TSHR: variants seen among roughly 807,000 people sequenced by gnomAD.
TSHR encodes thyroid stimulating hormone receptor, also known as thyrotropin receptor.
In TSHR, 51 loss-of-function variants were observed where a neutral mutation model predicts 64.1. The observed-to-expected ratio is 0.80, with a 90% CI of 0.64 to 1.01. The LOEUF (loss-of-function observed/expected upper bound fraction) is 1.01. TSHR is among the 50% of genes least tolerant of loss of function. The probability of loss-of-function intolerance (pLI) is 0.00; values close to 1 mark genes in which losing one functional copy is unlikely to be tolerated. For missense variants in TSHR, 877 were observed against 942.8 expected (o/e 0.93, Z 0.91); for synonymous variants, 361 against 361.9 (o/e 1.00, Z 0.03).
At chr14:81,090,977 A>T in intron 4 of TSHR, 92 bp from the exon 5 acceptor site, 3 of 1,118,384 alleles carry the variant, frequency 2.7e-6, no homozygotes, top group Non-Finnish European at 2.7e-6. Context: ...TTCAGAACCC[A>T]TGCTTTCAGC....
chr14:81,138,592 T>G (rs1037594771), intron 8 of TSHR, among the ~76,000 whole-genome samples: 2 of 152,148 alleles, frequency 1.3e-5, no homozygotes, highest in Non-Finnish European at 2.9e-5. Context: ...AACCCTTTCC[T>G]CACAAGAGTA....
intron 3 of TSHR, among the ~76,000 whole-genome samples, chr14:81,075,758 C>A (rs1887455926): frequency 6.6e-6 from 1 of 150,618 alleles, no homozygotes; most frequent in Non-Finnish European, 1.5e-5. Context: ...GGATCTAGAA[C>A]TAGAAATACC....
At chr14:81,025,723 G>A (rs956025700) in intron 1 of TSHR, among the ~76,000 whole-genome samples, 3 of 152,090 alleles carry the variant, frequency 2.0e-5, no homozygotes, top group Admixed American at 2.0e-4. Context: ...TTAGTTTCAG[G>A]ATACTAAAGA....
rs1301487152 is a variant in TSHR at position 81,139,876 on chromosome 14, C to T, written c.881+9C>T. The stretch of plus-strand genomic sequence containing the variant: ...CAGAAGAAAATCAGAGGGTAAGTGG[C>T]AGGGACCCGGCATAAGTGACAAAAG... On this transcript the variant is annotated intron_variant, in intron 9 of 9. Transcript: ENST00000298171. 2 of 1,614,106 alleles carry T rather than the reference C, an allele frequency of 1.2e-6. No individual in the cohort carries two copies. The highest frequency in any genetic ancestry group is 1.7e-6 in the Non-Finnish European group (2 of 1,179,998).
Position 81,087,934 on chromosome 14 carries a change from G to A in TSHR, c.318-20G>A. On this transcript the variant is annotated intron_variant, in intron 3 of 9. Coordinates refer to ENST00000298171, the MANE Select transcript of TSHR (RefSeq NM_000369.5). ...GATACGGATGCATTATAGTGACTGT[G>A]TTCCTTGTAACTTATACAGAGAAAT... The A allele has an allele frequency of 6.4e-7, 1 of 1,572,742 alleles. No homozygotes were observed. Among genetic ancestry groups the A allele is most frequent in the South Asian group, 1.1e-5 (1 of 90,212 alleles).
At chr14:80,969,215 C>T (rs999332832) in intron 1 of TSHR, among the ~76,000 whole-genome samples, 11 of 152,164 alleles carry the variant, frequency 7.2e-5, no homozygotes, top group African/African-American at 1.9e-4. Context: ...CCACCATTCT[C>T]GTAGGCAGTC....
At chr14:81,062,404 C>T (rs1037926111) in intron 2 of TSHR, among the ~76,000 whole-genome samples, 185 bp downstream of exon 2, 1 of 152,016 alleles carries the variant, frequency 6.6e-6, no homozygotes, top group African/African-American at 2.4e-5. Flanking sequence ...TCCCTAATTC[C>T]TACATGATTT....
intron 1 of TSHR, among the ~76,000 whole-genome samples, chr14:80,991,170 C>T (rs943944453): frequency 1.3e-5 from 2 of 152,174 alleles, no homozygotes; most frequent in Non-Finnish European, 2.9e-5. Context: ...TTAAATTACT[C>T]AAGATAGTGC....
chr14:81,011,815 G>A (rs1388308145), intron 1 of TSHR, among the ~76,000 whole-genome samples: 3 of 152,020 alleles, frequency 2.0e-5, no homozygotes, highest in South Asian at 4.1e-4. Flanking sequence ...AGCCGAGATC[G>A]CGCCACTGCA....
At chr14:80,976,460 T>C (rs1887880491) in intron 1 of TSHR, among the ~76,000 whole-genome samples, 3 of 152,220 alleles carry the variant, frequency 2.0e-5, no homozygotes. Flanking sequence ...CTTTCACCTC[T>C]GCTGGTCTTG....
At chr14:81,012,413 G>C (rs1251245445) in intron 1 of TSHR, 1 of 151,786 alleles carries the variant, frequency 6.6e-6, no homozygotes. Context: ...GTGTGCATGT[G>C]TCTTTATAGC....
At chr14:81,088,986 C>CTTTT (rs60086198) in intron 4 of TSHR, among the ~76,000 whole-genome samples, 7 of 125,756 alleles carry the variant, frequency 5.6e-5, no homozygotes, top group Admixed American at 1.6e-4. Context: ...AAAATAGTTG[C>CTTTT]TTTTTTTTTT....
chr14:81,072,204 T>A (rs1026349513), intron 3 of TSHR, among the ~76,000 whole-genome samples: 1 of 152,244 alleles, frequency 6.6e-6, no homozygotes, highest in Admixed American at 6.5e-5. Context: ...ACTTGAGGGA[T>A]GTGTTGAGGA....
rs2140109416 is a variant in TSHR at position 81,143,120 on chromosome 14, C to T, written c.1062C>T (p.Val354=). 1 of 1,614,138 alleles carries T rather than the reference C, an allele frequency of 6.2e-7. No homozygotes were observed. The part of the protein sequence containing the change: ...QDTHNNAHYY[V]FFEEQEDEII... ...CTCATAACAACGCTCATTATTACGT[C>T]TTCTTTGAAGAACAAGAGGATGAGA... The change falls in exon 10 of 10, where the codon GTC becomes GTT. Residue 354 remains valine, a synonymous_variant. Coordinates refer to ENST00000298171, the MANE Select transcript of TSHR (RefSeq NM_000369.5).
intron 1 of TSHR, chr14:80,994,173 T>C (rs1888885343): frequency 2.0e-5 from 3 of 151,676 alleles, no homozygotes; most frequent in South Asian, 2.1e-4. Context: ...AACGTTTTCT[T>C]TTTTTTTCTA....
At chr14:80,998,914 A>G (rs1889161871) in intron 1 of TSHR, among the ~76,000 whole-genome samples, 1 of 152,226 alleles carries the variant, frequency 6.6e-6, no homozygotes, top group South Asian at 2.1e-4. Context: ...CATCTCCATG[A>G]CTAAGGAAAT....
intron 1 of TSHR, among the ~76,000 whole-genome samples, chr14:81,024,570 T>C (rs1272635532): frequency 1.3e-5 from 2 of 152,110 alleles, no homozygotes; most frequent in Non-Finnish European, 2.9e-5. Context: ...TTATAGCAAT[T>C]CTGCACCGAC....
chr14:81,079,715 G>T (rs1322733455), intron 3 of TSHR, among the ~76,000 whole-genome samples: 1 of 151,992 alleles, frequency 6.6e-6, no homozygotes, highest in Non-Finnish European at 1.5e-5. Context: ...AATTAGCTGG[G>T]CACAATGGCA....
intron 1 of TSHR, among the ~76,000 whole-genome samples, chr14:80,991,003 T>A (rs1380083728): frequency 6.6e-6 from 1 of 152,252 alleles, no homozygotes; most frequent in African/African-American, 2.4e-5. Flanking sequence ...GTGACATTCA[T>A]GAAGAGAATG....
Sources: gnomAD v4.1 joint callset for allele counts (sites outside exome capture counted in the v4.1 genomes callset) on GRCh38, gnomAD v4.1.1 for gene constraint, MANE v1.5 for transcripts, NCBI Gene and HGNC (gene_info 2026-07-23, HGNC 2026-07-21) for gene names.